The following USP15 variants were observed in gnomAD, a reference collection of about 807,000 sequenced individuals.
USP15 encodes the protein ubiquitin carboxyl-terminal hydrolase 15.
A neutral mutation model predicts 127.1 loss-of-function variants in USP15; 18 were observed. The observed-to-expected ratio is 0.14, with a 90% CI of 0.10 to 0.21. The LOEUF (loss-of-function observed/expected upper bound fraction) is 0.21, where lower values mean the gene tolerates loss of function less well. Ranked by LOEUF, USP15 falls within the 10% of genes least tolerant of loss-of-function variation. The pLI is 1.00. For synonymous variants in USP15, 364 were observed against 393.7 expected (o/e 0.92, Z 0.89); for missense variants, 805 against 1,159.9 (o/e 0.69, Z 4.44).
Position 62,294,313 on chromosome 12 carries a change from A to G in USP15, c.217+7A>G. The stretch of plus-strand genomic sequence containing the variant: ...AACTCTGGACTTCTCAAAGGTCATT[A>G]TTTTCTTCCTTCAGTCAAGTTGTAA... On this transcript the variant is annotated splice_region_variant and intron_variant, in intron 2 of 21. Transcript: ENST00000280377. The G allele has an allele frequency of 6.2e-7, 1 of 1,602,172 alleles. No individual in the cohort carries two copies. The highest frequency in any genetic ancestry group is 8.5e-7 in the Non-Finnish European group (1 of 1,176,974).
In USP15 at chr12:62,287,815, C is replaced by A. The variant is rs1592503352; in HGVS notation, c.90-6364C>A. Among the ~76,000 whole-genome samples the A allele has an allele frequency of 3.9e-5, 6 of 152,100 alleles. No homozygotes were observed. The South Asian group carries it at 1.2e-3, about 32-fold the overall frequency. On this transcript the variant is annotated intron_variant, in intron 1 of 21. Coordinates refer to ENST00000280377, the MANE Select transcript of USP15 (RefSeq NM_001252078.2). ...GTTTCATTCTTCTGCATGTGGCAAT[C>A]CAGTTTTCCCTGTACCATTTATTGA...
At chr12:62,307,351 A>G (rs1436999018) in intron 3 of USP15, among the ~76,000 whole-genome samples, 3 of 152,222 alleles carry the variant, frequency 2.0e-5, no homozygotes, top group Admixed American at 2.0e-4. Flanking sequence ...ACTGAGTTCC[A>G]GTCAAGGAAT....
At chr12:62,379,806 T>G (rs757344300) in intron 8 of USP15, among the ~76,000 whole-genome samples, 2 of 152,136 alleles carry the variant, frequency 1.3e-5, no homozygotes, top group African/African-American at 2.4e-5. Context: ...TGATGGCATT[T>G]ACCCTCTGTG....
At chr12:62,337,516 A>G (rs776126065) in intron 6 of USP15, among the ~76,000 whole-genome samples, 2 of 151,954 alleles carry the variant, frequency 1.3e-5, no homozygotes, top group Non-Finnish European at 2.9e-5. Flanking sequence ...CAGAATGTGC[A>G]GGTTTGTTAC....
chr12:62,299,780 G>A (rs2064251527), intron 2 of USP15, among the ~76,000 whole-genome samples: 1 of 152,112 alleles, frequency 6.6e-6, no homozygotes, highest in Non-Finnish European at 1.5e-5. Context: ...TTACATCATT[G>A]CTGGCAGTGT....
chr12:62,404,287 C>G lies in USP15; in HGVS notation c.2858C>G (p.Ala953Gly), dbSNP rs2067793700. 6.2e-7 allele frequency: 1 copy of G among 1,613,160 alleles called. No homozygotes were observed. The highest frequency in any genetic ancestry group is 8.5e-7 in the Non-Finnish European group (1 of 1,179,422). ...PLDRETKGAS[A>G]ATGIPLESDE... ...GACCGAGAAACTAAAGGTGCTTCAGCTGCCACTGGCATCCCATTAGAAAGT... is the reference window on the plus strand; with the variant it reads ...GACCGAGAAACTAAAGGTGCTTCAGGTGCCACTGGCATCCCATTAGAAAGT... Residue 953 changes from alanine to glycine, a missense_variant, in exon 22 of 22, where the codon GCT becomes GGT. Around this residue, in one of 11 missense-constraint regions of USP15, gnomAD observed 116 missense variants for 157.2 expected, o/e 0.74. Transcript: ENST00000280377.
chr12:62,355,413 C>A lies in USP15; in HGVS notation c.853C>A (p.Gln285Lys). ...DYSEPGRNNEQPGLCGLSNLG... is the reference protein window; with the variant it reads ...DYSEPGRNNEKPGLCGLSNLG... The stretch of plus-strand genomic sequence containing the variant: ...TTCGGAACCTGGAAGAAACAATGAA[C>A]AGCCAGGCCTCTGTGGCCTAAGTAA... The change falls in exon 8 of 22, where the codon CAG becomes AAG. Residue 285 changes from glutamine to lysine, a missense_variant. Coordinates refer to ENST00000280377, the MANE Select transcript of USP15 (RefSeq NM_001252078.2). 1 of 1,611,056 alleles carries A rather than the reference C, an allele frequency of 6.2e-7. No individual in the cohort carries two copies. Among genetic ancestry groups the A allele is most frequent in the South Asian group, 1.1e-5 (1 of 90,764 alleles).
chr12:62,268,822 C>T (rs951224548), intron 1 of USP15, among the ~76,000 whole-genome samples: 2 of 152,020 alleles, frequency 1.3e-5, no homozygotes, highest in Non-Finnish European at 2.9e-5. Context: ...TTAGTATACT[C>T]GAAAGAGTTG....
At chr12:62,277,586 G>A (rs751002029) in intron 1 of USP15, 1 of 152,096 alleles carries the variant, frequency 6.6e-6, no homozygotes, top group Non-Finnish European at 1.5e-5. Flanking sequence ...AGTAGAGAGT[G>A]AATGTGAAGG....
rs185363649 is a variant in USP15, at chr12:62,364,162, T to C, written c.915+8687T>C. Among the ~76,000 whole-genome samples the C allele has an allele frequency of 7.2e-5, 11 of 152,286 alleles. No homozygotes were observed. In the East Asian group the frequency reaches 2.1e-3, roughly 29 times the overall value. The stretch of plus-strand genomic sequence containing the variant: ...AAAAAGACGTCCGAGAACTAAGCCC[T>C]GCAATACATTTGAATGGAGGAATGA... On this transcript the variant is annotated intron_variant, in intron 8 of 21. Coordinates refer to ENST00000280377, the MANE Select transcript of USP15 (RefSeq NM_001252078.2).
chr12:62,318,877 C>T (rs907985480), intron 4 of USP15, among the ~76,000 whole-genome samples: 1 of 152,162 alleles, frequency 6.6e-6, no homozygotes, highest in African/African-American at 2.4e-5. Context: ...AATCTAGCAG[C>T]ATATCTTCTT....
intron 8 of USP15, among the ~76,000 whole-genome samples, chr12:62,355,778 A>T (rs908878119): frequency 2.7e-5 from 4 of 150,834 alleles, no homozygotes; most frequent in African/African-American, 9.7e-5. Flanking sequence ...AGCAAAACTA[A>T]TGAGTTCCCT....
intron 1 of USP15, among the ~76,000 whole-genome samples, chr12:62,264,832 T>C (rs1226185729): frequency 6.6e-6 from 1 of 152,234 alleles, no homozygotes; most frequent in Non-Finnish European, 1.5e-5. Context: ...GAAATTTTTA[T>C]ATTACTATTA....
rs1565817226 is a variant in USP15 at position 62,284,661 on chromosome 12, T to G, written c.90-9518T>G. Among the ~76,000 whole-genome samples, 4 of 152,266 alleles carry G rather than the reference T, an allele frequency of 2.6e-5. 1 individual carries two copies. Among genetic ancestry groups the G allele is most frequent in the Admixed American group, 2.6e-4 (4 of 15,306 alleles). ...GTATTACACACATGAGCTTTAAATC[T>G]CTCATTAACCTTTATCTTTACCTTT... On this transcript the variant is annotated intron_variant, in intron 1 of 21. Transcript: ENST00000280377.
chr12:62,391,923 G>T (rs1830118563), intron 17 of USP15, 37 bp downstream of exon 17: 2 of 1,537,420 alleles, frequency 1.3e-6, no homozygotes, highest in East Asian at 2.3e-5. Flanking sequence ...ACCTTTCCTT[G>T]ATTTACTTTA....
intron 2 of USP15, among the ~76,000 whole-genome samples, chr12:62,297,063 CAGGA>C (rs1280229841): frequency 6.6e-6 from 1 of 152,238 alleles, no homozygotes; most frequent in East Asian, 1.9e-4. Context: ...GCTTCTCTCC[CAGGA>C]AGGAAGGAGA....
chr12:62,390,894 A>G lies in USP15; in HGVS notation c.1875A>G (p.Glu625=). 6.2e-7 allele frequency: 1 copy of G among 1,612,080 alleles called. No homozygotes were observed. The highest frequency in any genetic ancestry group is 8.5e-7 in the Non-Finnish European group (1 of 1,178,808). Residue 625 remains glutamate (E), a synonymous_variant, in exon 15 of 22, where the codon GAA becomes GAG. Transcript: ENST00000280377. ...ATGTCAAAATATCTACTGAAACTGA[A>G]GAAACTGAAGGATCCCTACACTGCT... ...CRYVKISTET[E]ETEGSLHCCK... is the part of the protein sequence containing the mutation.
chr12:62,403,488 A>G (rs2067761072), intron 21 of USP15, among the ~76,000 whole-genome samples: 2 of 152,216 alleles, frequency 1.3e-5, no homozygotes, highest in Middle Eastern at 6.8e-3. Flanking sequence ...TCAGTTGTTT[A>G]TTAGGTTATT....
At chr12:62,330,317 A>G (rs2131436) in intron 6 of USP15, among the ~76,000 whole-genome samples, 131,494 of 151,670 alleles carry the variant, frequency 0.87, 57,375 homozygotes, top group African/African-American at 0.96. Context: ...GGCTGGGCAC[A>G]GTGGCTCATG....
Sources: gnomAD v4.1 joint callset for allele counts (sites outside exome capture counted in the v4.1 genomes callset) on GRCh38, gnomAD v4.1.1 for gene constraint, gnomAD v4.1.1 regional missense constraint, MANE v1.5 for transcripts, NCBI Gene and HGNC (gene_info 2026-07-23, HGNC 2026-07-21) for gene names.